Variants in CLVS2 observed in about 807,000 individuals in gnomAD.
The protein encoded by CLVS2 is clavesin-2.
In CLVS2, 19 loss-of-function variants were observed where a neutral mutation model predicts 29.0. The ratio of observed to expected loss-of-function variants is 0.66; its 90% confidence interval spans 0.46 to 0.96. The LOEUF (loss-of-function observed/expected upper bound fraction) is 0.96, where lower values mean the gene tolerates loss of function less well. Among genes scored for constraint, CLVS2 ranks in the 40% least tolerant of loss-of-function variants. The pLI is 0.00. For synonymous variants in CLVS2, 161 were observed against 151.3 expected (o/e 1.06, Z -0.47); for missense variants, 294 against 404.1 (o/e 0.73, Z 2.34).
rs761322987 is a variant in CLVS2, at chr6:123,048,726, G to T, written c.669G>T (p.Arg223=). ...VIRPFLKEKT[R]KRIFLHGNNL... The stretch of plus-strand genomic sequence containing the variant: ...GGCCTTTCCTGAAGGAGAAAACTCG[G>T]AAAAGGGTATTCTTTTCTTTGATTT... Residue 223 remains arginine, a synonymous_variant, in exon 4 of 6, where the codon CGG becomes CGT. Coordinates refer to ENST00000275162, the MANE Select transcript of CLVS2 (RefSeq NM_001010852.4). The T allele has an allele frequency of 1.3e-5, 21 of 1,599,316 alleles. No individual in the cohort carries two copies. The highest frequency in any genetic ancestry group is 1.6e-5 in the Non-Finnish European group (19 of 1,166,748).
At chr6:123,049,326 T>A (rs1772568760) in intron 4 of CLVS2, among the ~76,000 whole-genome samples, 1 of 152,188 alleles carries the variant, frequency 6.6e-6, no homozygotes, top group Non-Finnish European at 1.5e-5. Flanking sequence ...TTTCTGAGAT[T>A]GAGATAATTT....
At chr6:123,038,986 G>GC (rs1377837639) in intron 3 of CLVS2, among the ~76,000 whole-genome samples, 1 of 152,002 alleles carries the variant, frequency 6.6e-6, no homozygotes, top group Non-Finnish European at 1.5e-5. Context: ...CCAGTGTATG[G>GC]CCCCTCCTCA....
At chr6:123,058,039 G>A (rs577268053) in intron 5 of CLVS2, among the ~76,000 whole-genome samples, 3 of 152,084 alleles carry the variant, frequency 2.0e-5, no homozygotes, top group Non-Finnish European at 4.4e-5. Flanking sequence ...AACAAAAGTG[G>A]TTAAAAGCAA....
chr6:123,017,487 AG>A, intron 3 of CLVS2, among the ~76,000 whole-genome samples: 1 of 152,096 alleles, frequency 6.6e-6, no homozygotes, highest in East Asian at 1.9e-4. Flanking sequence ...TGACAAGGGT[AG>A]TGTGTAAAAA....
chr6:123,032,087 G>A (rs1376479756), intron 3 of CLVS2, among the ~76,000 whole-genome samples: 1 of 151,842 alleles, frequency 6.6e-6, no homozygotes, highest in East Asian at 1.9e-4. Flanking sequence ...TCTTGTTGCA[G>A]CGCTAATATC....
chr6:123,024,885 G>T (rs1392440950), intron 3 of CLVS2, among the ~76,000 whole-genome samples: 2 of 151,990 alleles, frequency 1.3e-5, no homozygotes, highest in Non-Finnish European at 2.9e-5. Flanking sequence ...GTTCCTAGGA[G>T]AAATATAAAT....
At chr6:123,008,214 A>G (rs4532462) in intron 2 of CLVS2, among the ~76,000 whole-genome samples, 112,883 of 151,994 alleles carry the variant, frequency 0.74, 42,432 homozygotes, top group East Asian at 0.92. Context: ...AAATTAATGT[A>G]ATTTTTATAA....
chr6:123,003,614 T>C (rs985767401), intron 2 of CLVS2, among the ~76,000 whole-genome samples: 4 of 152,226 alleles, frequency 2.6e-5, no homozygotes, highest in African/African-American at 9.6e-5. Flanking sequence ...GTTATGTACA[T>C]AGCATTTTAG....
At chr6:123,000,312 TA>T (rs1300289642) in intron 2 of CLVS2, among the ~76,000 whole-genome samples, 4 of 152,130 alleles carry the variant, frequency 2.6e-5, no homozygotes, top group African/African-American at 9.7e-5. Context: ...CTTCCTATAT[TA>T]AAAAAATAAT....
intron 2 of CLVS2, among the ~76,000 whole-genome samples, chr6:123,005,820 G>A (rs1774660184): frequency 6.6e-6 from 1 of 152,166 alleles, no homozygotes; most frequent in South Asian, 2.1e-4. Flanking sequence ...TTTTGTATTG[G>A]GCTGACAGGG....
intron 3 of CLVS2, among the ~76,000 whole-genome samples, chr6:123,012,717 T>C (rs1774767918): frequency 1.3e-5 from 2 of 152,016 alleles, no homozygotes; most frequent in Non-Finnish European, 2.9e-5. Context: ...TGCTTATGTC[T>C]AGTGAAGGAA....
At chr6:123,041,233 A>G (rs1246545247) in intron 3 of CLVS2, among the ~76,000 whole-genome samples, 6 of 152,188 alleles carry the variant, frequency 3.9e-5, no homozygotes, top group Admixed American at 3.9e-4. Context: ...TCTTGAGTAG[A>G]AGTTGAAAAC....
intron 3 of CLVS2, among the ~76,000 whole-genome samples, chr6:123,045,703 C>T (rs753382415): frequency 1.7e-4 from 26 of 152,274 alleles, no homozygotes; most frequent in Non-Finnish European, 3.4e-4. Context: ...ACCAATAGAC[C>T]TACAGAATAT....
chr6:123,040,092 G>A (rs73543789), intron 3 of CLVS2, among the ~76,000 whole-genome samples: 3,204 of 152,264 alleles, frequency 0.021, 103 homozygotes, highest in African/African-American at 0.071. Context: ...GGTTGTATCT[G>A]AAGTGCTGTT....
Position 123,068,069 on chromosome 6 carries a change from G to A in CLVS2, c.*4308G>A, listed in dbSNP as rs1166674901. 2 of 151,484 alleles carry A rather than the reference G, an allele frequency of 1.3e-5. No individual in the cohort carries two copies. The highest frequency in any genetic ancestry group is 3.0e-5 in the Non-Finnish European group (2 of 67,642). The allele number at this position is 151,484 out of a possible 1,614,324, so 9.4% of individuals were successfully genotyped here. A position where few individuals can be genotyped will look rare whatever the true frequency, so the allele number is the denominator to read the frequency against. ...TATAAATATTTGGAGGTTAACATAGGACATGAAAATAGTGCTGTGGATTCT... is the reference window on the plus strand; with the variant it reads ...TATAAATATTTGGAGGTTAACATAGAACATGAAAATAGTGCTGTGGATTCT... On this transcript the variant is annotated 3_prime_UTR_variant, in exon 6 of 6. Transcript: ENST00000275162.
chr6:123,018,634 C>T (rs1360610588), intron 3 of CLVS2, among the ~76,000 whole-genome samples: 1 of 148,554 alleles, frequency 6.7e-6, no homozygotes, highest in Non-Finnish European at 1.5e-5. Flanking sequence ...GTTCTGAAAA[C>T]TAAAATACTC....
intron 2 of CLVS2, 53 bp from the exon 3 acceptor site, chr6:123,010,932 T>A: frequency 1.7e-6 from 2 of 1,206,150 alleles, no homozygotes; most frequent in Non-Finnish European, 2.2e-6. Context: ...ATTTTATAGC[T>A]TTTTGGAAAA....
chr6:123,003,892 G>A (rs1341446098), intron 2 of CLVS2, among the ~76,000 whole-genome samples: 1 of 152,114 alleles, frequency 6.6e-6, no homozygotes, highest in Non-Finnish European at 1.5e-5. Flanking sequence ...TAATTCTACT[G>A]TGTGTATTGT....
intron 3 of CLVS2, among the ~76,000 whole-genome samples, chr6:123,016,404 G>A (rs1375848431): frequency 4.0e-5 from 6 of 151,712 alleles, no homozygotes; most frequent in African/African-American, 1.5e-4. Flanking sequence ...TTATTAATGA[G>A]AAACTTGGAC....
Sources: allele counts gnomAD v4.1 joint callset (sites outside exome capture counted in the v4.1 genomes callset), GRCh38; gene constraint gnomAD v4.1.1; transcripts MANE v1.5; gene names NCBI Gene and HGNC (gene_info 2026-07-23, HGNC 2026-07-21).